BLTP1: variants seen among roughly 807,000 people sequenced by gnomAD.
BLTP1 encodes bridge-like lipid transfer protein family member 1, also known as fragile site-associated protein.
the BLTP1 span, among the ~76,000 whole-genome samples, chr4:122,160,443 C>T: frequency 1.3e-5 from 2 of 152,068 alleles, no homozygotes; most frequent in African/African-American, 4.8e-5. Context: ...GTAATGTCAA[C>T]CTTTTTATAC....
chr4:122,271,422 A>G, the BLTP1 span: 1 of 1,613,898 alleles, frequency 6.2e-7, no homozygotes, highest in South Asian at 1.1e-5. Flanking sequence ...AATGGTGGCA[A>G]TAGAGTAAAT....
chr4:122,307,556 TG>T, the BLTP1 span: 1 of 984,332 alleles, frequency 1.0e-6, no homozygotes, highest in African/African-American at 1.7e-5. Context: ...TTTAATGGTA[TG>T]TTCCTAGCAT....
At chr4:122,310,601 C>G in the BLTP1 span, among the ~76,000 whole-genome samples, 1 of 152,138 alleles carries the variant, frequency 6.6e-6, no homozygotes, top group Admixed American at 6.5e-5. Flanking sequence ...TCAGATTCAT[C>G]TCAGTGTCCC....
chr4:122,275,284 T>G, the BLTP1 span, among the ~76,000 whole-genome samples: 1 of 152,130 alleles, frequency 6.6e-6, no homozygotes. Context: ...ACTGCAATTT[T>G]GGGAACTGGA....
chr4:122,254,630 T>G, the BLTP1 span: 1 of 760,438 alleles, frequency 1.3e-6, no homozygotes. Flanking sequence ...TTCTTTTCTA[T>G]TGTCCATTTT....
At chr4:122,175,144 A>C in the BLTP1 span, 14 of 983,508 alleles carry the variant, frequency 1.4e-5, no homozygotes, top group African/African-American at 2.1e-4. Flanking sequence ...AGAAAAGCCT[A>C]CTCAATTTTT....
the BLTP1 span, among the ~76,000 whole-genome samples, chr4:122,306,902 AT>A: frequency 6.6e-6 from 1 of 152,106 alleles, no homozygotes; most frequent in African/African-American, 2.4e-5. Flanking sequence ...CTGTTAGAAA[AT>A]TGCCCTTTTG....
the BLTP1 span, chr4:122,279,884 A>AT: frequency 6.2e-7 from 1 of 1,614,018 alleles, no homozygotes; most frequent in African/African-American, 1.3e-5. Flanking sequence ...CAGTATCAAC[A>AT]TTCCTCAGCA....
chr4:122,207,514 C>CTTTTTTTTT, the BLTP1 span: 4,292 of 1,286,138 alleles, frequency 3.3e-3, 5 homozygotes, highest in South Asian at 0.01. Flanking sequence ...ACTTTTTCTT[C>CTTTTTTTTT]TTTTTTTTTT....
chr4:122,359,667 A>G, the BLTP1 span: 1 of 1,612,682 alleles, frequency 6.2e-7, no homozygotes, highest in Non-Finnish European at 8.5e-7. Context: ...CACTTATACT[A>G]CTGTGGACTG....
the BLTP1 span, chr4:122,170,781 T>G: frequency 1.8e-5 from 26 of 1,442,612 alleles, no homozygotes; most frequent in Admixed American, 6.1e-5. Context: ...TATTGTGTTT[T>G]AAGTATGGAT....
chr4:122,205,306 T>C, the BLTP1 span, among the ~76,000 whole-genome samples: 1 of 151,856 alleles, frequency 6.6e-6, no homozygotes, highest in Non-Finnish European at 1.5e-5. Context: ...AGTTACTTTG[T>C]TCAAACTTTA....
At chr4:122,207,529 T>TTTTTTTTTTTC in the BLTP1 span, 1 of 1,551,864 alleles carries the variant, frequency 6.4e-7, no homozygotes, top group Non-Finnish European at 8.6e-7. Flanking sequence ...TTTTTTTTTT[T>TTTTTTTTTTTC]TTCTTTTGTA....
the BLTP1 span, chr4:122,199,597 G>A: frequency 1.5e-6 from 1 of 655,488 alleles, no homozygotes; most frequent in African/African-American, 1.8e-5. Context: ...TGGATTCCCA[G>A]TGCTATGGAC....
At chr4:122,301,108 A>C in the BLTP1 span, 1 of 781,382 alleles carries the variant, frequency 1.3e-6, no homozygotes, top group Non-Finnish European at 1.6e-6. Context: ...AATGTTATTA[A>C]TAAATGTCTA....
At chr4:122,347,561 G>A in the BLTP1 span, 3 of 1,613,618 alleles carry the variant, frequency 1.9e-6, no homozygotes, top group Admixed American at 1.7e-5. Context: ...GAAGGGGTAA[G>A]CCAACACCTT....
chr4:122,208,665 C>T, the BLTP1 span: 1 of 983,032 alleles, frequency 1.0e-6, no homozygotes, highest in Non-Finnish European at 1.2e-6. Flanking sequence ...GTTTCTTTCC[C>T]TGATTATTTT....
chr4:122,298,568 G>A, the BLTP1 span: 20 of 711,058 alleles, frequency 2.8e-5, no homozygotes, highest in Non-Finnish European at 2.9e-5. Context: ...TACTTATTCA[G>A]AACTTTAAAA....
At chr4:122,328,096 A>G in the BLTP1 span, 1 of 1,503,886 alleles carries the variant, frequency 6.6e-7, no homozygotes, top group African/African-American at 1.4e-5. Context: ...TTTTCTTTTT[A>G]CAATCAGTTT....
Sources: gnomAD v4.1 joint callset for allele counts (sites outside exome capture counted in the v4.1 genomes callset) on GRCh38, gnomAD v4.1.1 for gene constraint, MANE v1.5 for transcripts, NCBI Gene and HGNC (gene_info 2026-07-23, HGNC 2026-07-21) for gene names.